The following FBXW11 variants were observed in gnomAD, a reference collection of about 807,000 sequenced individuals.
FBXW11 encodes F-box and WD repeat domain containing 11.
Under a neutral mutation model 77.6 loss-of-function variants are expected in FBXW11, and 19 were observed. The observed-to-expected ratio is 0.24, with a 90% CI of 0.17 to 0.36. FBXW11 has a LOEUF of 0.36. Ranked by LOEUF, FBXW11 falls within the 10% of genes least tolerant of loss-of-function variation. FBXW11 has a pLI of 1.00. For synonymous variants in FBXW11, 235 were observed against 249.4 expected (o/e 0.94, Z 0.54); for missense variants, 334 against 704.2 (o/e 0.47, Z 5.95).
In FBXW11 at chr5:171,869,261, G is replaced by A. The variant is rs1757616515; in HGVS notation, c.1531-465C>T. On this transcript the variant is annotated intron_variant, in intron 12 of 13. Transcript: ENST00000517395. This position sits in a 1 kb window ranked among gnomAD's most constrained non-coding sequence, Gnocchi z 4.1. The stretch of plus-strand genomic sequence containing the variant: ...GTTCTGCATCTTCTAGTAAATGCAA[G>A]AAGTGAAGAAACAGAAATAAAACTA... Among the ~76,000 whole-genome samples, 1 of 152,090 alleles carries A rather than the reference G, an allele frequency of 6.6e-6. No individual in the cohort carries two copies.
At chr5:171,949,162 C>T (rs1397454734) in intron 2 of FBXW11, among the ~76,000 whole-genome samples, 1 of 152,132 alleles carries the variant, frequency 6.6e-6, no homozygotes, top group Non-Finnish European at 1.5e-5. Context: ...TAAAAGACAG[C>T]ATGATACAGT....
At chr5:171,894,841 G>A (rs777303533) in intron 6 of FBXW11, among the ~76,000 whole-genome samples, 1 of 152,118 alleles carries the variant, frequency 6.6e-6, no homozygotes, top group Non-Finnish European at 1.5e-5. Flanking sequence ...CAAAACCACT[G>A]TAAGGTTCAA....
chr5:171,993,317 T>A (rs763280463), intron 1 of FBXW11, among the ~76,000 whole-genome samples: 2 of 151,992 alleles, frequency 1.3e-5, no homozygotes, highest in Admixed American at 1.3e-4. Context: ...AATCTGCCTA[T>A]CAAAAAACAA....
intron 1 of FBXW11, chr5:171,996,852 AG>A (rs1442699144): frequency 8.2e-7 from 1 of 1,220,800 alleles, no homozygotes; most frequent in Non-Finnish European, 1.0e-6. Flanking sequence ...CAGCGAGTTG[AG>A]TTCCACAAAA....
intron 6 of FBXW11, among the ~76,000 whole-genome samples, chr5:171,897,715 A>G (rs1039464645): frequency 6.6e-6 from 1 of 152,174 alleles, no homozygotes; most frequent in Admixed American, 6.5e-5. Flanking sequence ...AAAATTATTC[A>G]AAGAAGTCTG....
chr5:171,870,786 C>A lies in FBXW11; in HGVS notation c.1413G>T (p.Arg471=), dbSNP rs1051318368. Residue 471 remains arginine, a synonymous_variant, in exon 11 of 14, where the codon CGG becomes CGT. Transcript: ENST00000517395. The stretch of plus-strand genomic sequence containing the variant: ...CACTGACAATCCTCTTGTTATCAAA[C>A]CGGATGCATCGGACCAATTCTTCAT... The part of the protein sequence containing the change: ...EGHEELVRCI[R]FDNKRIVSGA... 6.2e-7 allele frequency: 1 copy of A among 1,613,856 alleles called. No individual in the cohort carries two copies. Among genetic ancestry groups the A allele is most frequent in the African/African-American group, 1.3e-5 (1 of 74,928 alleles).
rs201693260 is a variant in FBXW11, at chr5:171,868,597, G to A, written c.*25+13C>T. ...CAATCAGCAAAATTGGAAGGGGAGA[G>A]GATAGTACTCACCTGAAACGGGTGA... On this transcript the variant is annotated intron_variant, in intron 13 of 13. Coordinates refer to ENST00000517395, the MANE Select transcript of FBXW11 (RefSeq NM_001378974.1). 4 of 1,593,554 alleles carry A rather than the reference G, an allele frequency of 2.5e-6. No individual in the cohort carries two copies. In the South Asian group the frequency reaches 3.4e-5, roughly 14 times the overall value.
chr5:172,003,141 C>A (rs186341228), intron 1 of FBXW11: 113 of 152,168 alleles, frequency 7.4e-4, no homozygotes, highest in African/African-American at 1.9e-3. Context: ...AATTATAAAC[C>A]ATCCATTAAT....
intron 6 of FBXW11, among the ~76,000 whole-genome samples, chr5:171,894,112 A>G (rs1199523667): frequency 1.3e-5 from 2 of 152,164 alleles, no homozygotes; most frequent in Admixed American, 6.5e-5. Flanking sequence ...CGCAGCAGAG[A>G]AGACTACACA....
At chr5:171,949,180 G>A (rs915958262) in intron 2 of FBXW11, among the ~76,000 whole-genome samples, 9 of 152,212 alleles carry the variant, frequency 5.9e-5, no homozygotes, top group Non-Finnish European at 1.0e-4. Context: ...AGTTGTGGAT[G>A]ATGAGCTTAC....
intron 1 of FBXW11, among the ~76,000 whole-genome samples, chr5:171,995,083 T>A (rs756187053): frequency 6.6e-6 from 1 of 152,024 alleles, no homozygotes; most frequent in African/African-American, 2.4e-5. Context: ...AAAAAGAAAA[T>A]TTTTTTAAGA....
intron 3 of FBXW11, among the ~76,000 whole-genome samples, chr5:171,911,996 T>C (rs969040866): frequency 1.3e-5 from 2 of 152,196 alleles, no homozygotes; most frequent in African/African-American, 4.8e-5. Flanking sequence ...TTCTAAGAAC[T>C]GAAGAGCTGA....
rs1760316788 is a variant in FBXW11 at position 171,904,163 on chromosome 5, C to T, written c.437-4063G>A. On this transcript the variant is annotated intron_variant, in intron 4 of 13. Coordinates refer to ENST00000517395, the MANE Select transcript of FBXW11 (RefSeq NM_001378974.1). The surrounding 1 kb of genome is among the most constrained non-coding windows in gnomAD (Gnocchi z 4.0). Reference sequence around the variant, plus strand: ...TATACAAAAATTAGCCATGGTGGCACACGCCTGTAATCCCAGCTACTTGGC... The same window carrying T: ...TATACAAAAATTAGCCATGGTGGCATACGCCTGTAATCCCAGCTACTTGGC... Among the ~76,000 whole-genome samples, 1 of 142,136 alleles carries T rather than the reference C, an allele frequency of 7.0e-6. No homozygotes were observed. Among genetic ancestry groups the T allele is most frequent in the South Asian group, 2.4e-4 (1 of 4,194 alleles). The allele number at this position is 142,136 out of a possible 152,430, so 93.2% of individuals were successfully genotyped here.
intron 4 of FBXW11, among the ~76,000 whole-genome samples, chr5:171,905,012 A>G (rs1244550289): frequency 2.0e-5 from 3 of 152,238 alleles, no homozygotes; most frequent in Non-Finnish European, 4.4e-5. Flanking sequence ...TTTTACAGAA[A>G]TAAATCCCTT....
At chr5:171,936,888 T>C (rs940275596) in intron 2 of FBXW11, among the ~76,000 whole-genome samples, 1 of 152,182 alleles carries the variant, frequency 6.6e-6, no homozygotes, top group African/African-American at 2.4e-5. Flanking sequence ...TAAGAGCCTC[T>C]GATCAAAAGA....
rs113847581 is a variant in FBXW11 at position 171,934,008 on chromosome 5, G to A, written c.148-19603C>T. Among the ~76,000 whole-genome samples the A allele has an allele frequency of 3.6e-3, 554 of 152,332 alleles. 4 individuals are homozygous for A. Among genetic ancestry groups the A allele is most frequent in the African/African-American group, 0.013 (531 of 41,582 alleles). On this transcript the variant is annotated intron_variant, in intron 2 of 13. Coordinates refer to ENST00000517395, the MANE Select transcript of FBXW11 (RefSeq NM_001378974.1). ...CTGTGAGATCATGAAGCCCTTATGA[G>A]AGTAATTTTGCAGACAGTTTTCTTA...
At chr5:171,929,755 G>A (rs1267233198) in intron 2 of FBXW11, among the ~76,000 whole-genome samples, 2 of 152,170 alleles carry the variant, frequency 1.3e-5, no homozygotes, top group Non-Finnish European at 2.9e-5. Flanking sequence ...GGGAGGCTGA[G>A]GCAGGAGAAT....
In FBXW11 at chr5:171,977,157, T is replaced by C. The variant is rs562628361; in HGVS notation, c.46-19459A>G. Among the ~76,000 whole-genome samples the C allele has an allele frequency of 1.4e-4, 21 of 151,060 alleles. No homozygotes were observed. The East Asian group carries it at 2.1e-3, about 15-fold the overall frequency. ...GAGTTTAAGACCAGCCTGGGCAACA[T>C]AGGGAGACCCCACCTTCACAGAAAA... On this transcript the variant is annotated intron_variant, in intron 1 of 13. Transcript: ENST00000517395.
At chr5:171,975,509 C>T (rs550137477) in intron 1 of FBXW11, among the ~76,000 whole-genome samples, 64 of 152,174 alleles carry the variant, frequency 4.2e-4, no homozygotes, top group African/African-American at 1.3e-3. Context: ...TTTTTCTTAC[C>T]CCATGCTGGT....
Sources: gnomAD v4.1 joint callset for allele counts (sites outside exome capture counted in the v4.1 genomes callset) on GRCh38, gnomAD v4.1.1 for gene constraint, Gnocchi (gnomAD v3.1) non-coding constraint, MANE v1.5 for transcripts, NCBI Gene and HGNC (gene_info 2026-07-23, HGNC 2026-07-21) for gene names.